Variants in ETNK1 observed in about 807,000 individuals in gnomAD.
ETNK1 encodes the protein putative protein product of Nbla10396.
ETNK1 carries 8 observed loss-of-function variants against 45.1 expected under a neutral mutation model. The observed-to-expected ratio is 0.18, with a 90% CI of 0.10 to 0.32. ETNK1 has a LOEUF of 0.32. Among genes scored for constraint, ETNK1 ranks in the 10% least tolerant of loss-of-function variants. The pLI, the probability that ETNK1 is intolerant of heterozygous loss-of-function variation, is 1.00. For synonymous variants in ETNK1, 152 were observed against 151.9 expected (o/e 1.00, Z -0.01); for missense variants, 302 against 430.6 (o/e 0.70, Z 2.64).
At chr12:22,680,206 C>T (rs1189357277) in intron 6 of ETNK1, among the ~76,000 whole-genome samples, 1 of 152,042 alleles carries the variant, frequency 6.6e-6, no homozygotes, top group East Asian at 1.9e-4. Flanking sequence ...ATTTCAGCAC[C>T]TTCTCCTTTT....
chr12:22,660,034 T>TAAAAAAAAAAAAAAAAA (rs371874842), intron 3 of ETNK1, among the ~76,000 whole-genome samples: 5 of 122,576 alleles, frequency 4.1e-5, no homozygotes, highest in Non-Finnish European at 3.5e-5. Flanking sequence ...ACACTACCTT[T>TAAAAAAAAAAAAAAAAA]AAAAAAAAAA....
intron 5 of ETNK1, among the ~76,000 whole-genome samples, chr12:22,673,096 C>CA (rs1025751692): frequency 1.1e-4 from 16 of 145,658 alleles, no homozygotes; most frequent in African/African-American, 2.3e-4. Flanking sequence ...ATTCCGTCTC[C>CA]AAAAAAAAAA....
intron 6 of ETNK1, among the ~76,000 whole-genome samples, chr12:22,679,414 C>T (rs1400648170): frequency 1.3e-5 from 2 of 152,018 alleles, no homozygotes; most frequent in Non-Finnish European, 2.9e-5. Context: ...TTGTTTTTGC[C>T]GTGCTGGCAG....
At chr12:22,655,233 G>T (rs1045960196) in intron 2 of ETNK1, among the ~76,000 whole-genome samples, 1 of 151,900 alleles carries the variant, frequency 6.6e-6, no homozygotes, top group East Asian at 1.9e-4. Context: ...CTCCCAAAGT[G>T]TTGGGATTAC....
intron 1 of ETNK1, among the ~76,000 whole-genome samples, chr12:22,638,126 G>A (rs1024693773): frequency 1.3e-5 from 2 of 152,136 alleles, no homozygotes; most frequent in African/African-American, 4.8e-5. Flanking sequence ...ATTTGGCAGA[G>A]AAGGGAAGGA....
intron 1 of ETNK1, among the ~76,000 whole-genome samples, chr12:22,631,988 A>G (rs923646777): frequency 3.9e-5 from 6 of 152,166 alleles, no homozygotes; most frequent in Admixed American, 6.5e-5. Context: ...CCAACCCAGG[A>G]AAAGAAAATT....
Position 22,689,640 on chromosome 12 carries a change from C to G in ETNK1, c.*4686C>G, listed in dbSNP as rs529680959. 6.6e-6 allele frequency: 1 copy of G among 152,008 alleles called. No individual in the cohort carries two copies. Among genetic ancestry groups the G allele is most frequent in the South Asian group, 2.1e-4 (1 of 4,822 alleles). 9.4% of individuals were successfully genotyped at this position (152,008 alleles called of 1,614,324 possible). ...TGTAGGTGATGCATTAGTTAAATTT[C>G]AAAACTCATAATAAAGGAACTTTCA... On this transcript the variant is annotated 3_prime_UTR_variant, in exon 8 of 8. Coordinates refer to ENST00000266517, the MANE Select transcript of ETNK1 (RefSeq NM_018638.5).
At chr12:22,654,633 C>G (rs2137548398) in intron 2 of ETNK1, among the ~76,000 whole-genome samples, 1 of 152,220 alleles carries the variant, frequency 6.6e-6, no homozygotes, top group Non-Finnish European at 1.5e-5. Context: ...ACCACAAGAA[C>G]AGATCAAAGA....
intron 1 of ETNK1, among the ~76,000 whole-genome samples, chr12:22,626,551 C>T (rs1953501318): frequency 6.6e-6 from 1 of 152,108 alleles, no homozygotes; most frequent in African/African-American, 2.4e-5. Flanking sequence ...AATTTATTCA[C>T]CAATATTTGT....
intron 2 of ETNK1, chr12:22,644,323 T>C (rs995329725): frequency 3.2e-6 from 5 of 1,558,218 alleles, no homozygotes; most frequent in Middle Eastern, 1.7e-4. Context: ...TGAGTTGAAG[T>C]GTTATACATT....
chr12:22,643,620 AT>A (rs1953767311), intron 1 of ETNK1, 142 bp from the exon 2 acceptor site: 4 of 573,796 alleles, frequency 7.0e-6, no homozygotes, highest in Non-Finnish European at 8.9e-6. Context: ...GTTAGATAAA[AT>A]TGTATTCAAA....
In ETNK1 at chr12:22,686,122, T is replaced by C. The variant is rs1329721955; in HGVS notation, c.*1168T>C. Reference sequence around the variant, plus strand: ...ACTTAAAATCTGACAAATGACAAAATGTGAATTAAGCATAAATAGTCATGG... The same window carrying C: ...ACTTAAAATCTGACAAATGACAAAACGTGAATTAAGCATAAATAGTCATGG... On this transcript the variant is annotated 3_prime_UTR_variant, in exon 8 of 8. Coordinates refer to ENST00000266517, the MANE Select transcript of ETNK1 (RefSeq NM_018638.5). 6.6e-6 allele frequency: 1 copy of C among 152,290 alleles called. No homozygotes were observed. Among genetic ancestry groups the C allele is most frequent in the Non-Finnish European group, 1.5e-5 (1 of 67,800 alleles). The allele number at this position is 152,290 out of a possible 1,614,324, so 9.4% of individuals were successfully genotyped here.
chr12:22,641,504 TAATGTTG>T (rs1020487893), intron 1 of ETNK1, among the ~76,000 whole-genome samples: 1 of 152,192 alleles, frequency 6.6e-6, no homozygotes, highest in Non-Finnish European at 1.5e-5. Flanking sequence ...TAACCCTATC[TAATGTTG>T]AATGTTGATG....
rs1269583748 is a variant in ETNK1 at position 22,644,041 on chromosome 12, A to T, written c.416+19A>T. The T allele has an allele frequency of 6.8e-7, 1 of 1,467,694 alleles. No individual in the cohort carries two copies. 90.9% of individuals were successfully genotyped at this position (1,467,694 alleles called of 1,614,324 possible). On this transcript the variant is annotated intron_variant, in intron 2 of 7. Coordinates refer to ENST00000266517, the MANE Select transcript of ETNK1 (RefSeq NM_018638.5). ...TTTTCAGGTACATTTTCTTTTCTGAATTTTTCCTTTTGAAAAATAGGGCAT... is the reference window on the plus strand; with the variant it reads ...TTTTCAGGTACATTTTCTTTTCTGATTTTTTCCTTTTGAAAAATAGGGCAT...
chr12:22,683,371 C>T (rs1954231392), intron 6 of ETNK1, among the ~76,000 whole-genome samples: 1 of 151,866 alleles, frequency 6.6e-6, no homozygotes, highest in Non-Finnish European at 1.5e-5. Context: ...CACCAGCCTC[C>T]TGAATAGCTG....
chr12:22,658,875 G>T (rs548265137), intron 2 of ETNK1, 139 bp from the exon 3 acceptor site: 5 of 759,352 alleles, frequency 6.6e-6, no homozygotes, highest in Non-Finnish European at 1.0e-5. Flanking sequence ...TGCTAAAACT[G>T]GTTTTTACAA....
chr12:22,627,438 TC>T (rs1208380025), intron 1 of ETNK1, among the ~76,000 whole-genome samples: 2 of 152,090 alleles, frequency 1.3e-5, no homozygotes, highest in Admixed American at 1.3e-4. Context: ...AGAAATACAT[TC>T]CCTCCATGTG....
chr12:22,670,269 A>G (rs911614886), intron 4 of ETNK1, among the ~76,000 whole-genome samples: 5 of 152,076 alleles, frequency 3.3e-5, no homozygotes, highest in African/African-American at 7.2e-5. Flanking sequence ...AACATTTTCT[A>G]TATTCTTACA....
intron 2 of ETNK1, among the ~76,000 whole-genome samples, chr12:22,649,694 G>A (rs1037821102): frequency 2.6e-5 from 4 of 151,908 alleles, no homozygotes; most frequent in Non-Finnish European, 4.4e-5. Flanking sequence ...TGGCTATTCT[G>A]GGCCTTTTGC....
Sources: allele counts gnomAD v4.1 joint callset (sites outside exome capture counted in the v4.1 genomes callset), GRCh38; gene constraint gnomAD v4.1.1; transcripts MANE v1.5; gene names NCBI Gene and HGNC (gene_info 2026-07-23, HGNC 2026-07-21).